Variants in MIF4GD observed in about 807,000 individuals in gnomAD.
The protein encoded by MIF4GD is MIF4G domain-containing protein.
Under a neutral mutation model 26.7 loss-of-function variants are expected in MIF4GD, and 22 were observed. The observed-to-expected ratio is 0.82, with a 90% CI of 0.59 to 1.18. MIF4GD has a LOEUF of 1.18. MIF4GD is among the 50% of genes most tolerant of loss of function. The pLI, the probability that MIF4GD is intolerant of heterozygous loss-of-function variation, is 0.00. For synonymous variants in MIF4GD, 137 were observed against 111.6 expected (o/e 1.23, Z -1.43); for missense variants, 262 against 279.6 (o/e 0.94, Z 0.45).
Position 75,266,638 on chromosome 17 carries a change from CTG to C in MIF4GD, c.*100_*101del. ...GTCTAGAAGGGAAGACACTCAAAGT[CTG>C]GAAGGGAAAAGTCTTTGGGTGAGGC... is the stretch of plus-strand genomic sequence containing the variant. On this transcript the variant is annotated 3_prime_UTR_variant, in exon 6 of 6. Transcript: ENST00000325102. 1 of 1,087,910 alleles carries C rather than the reference CTG, an allele frequency of 9.2e-7. No individual in the cohort carries two copies. The highest frequency in any genetic ancestry group is 1.3e-5 in the South Asian group (1 of 75,622). 67.4% of individuals were successfully genotyped at this position (1,087,910 alleles called of 1,614,324 possible). A position where few individuals can be genotyped will look rare whatever the true frequency, so the allele number is the denominator to read the frequency against.
chr17:75,269,999 C>T, intron 2 of MIF4GD, 115 bp downstream of exon 2: 3 of 839,550 alleles, frequency 3.6e-6, no homozygotes, highest in Non-Finnish European at 5.9e-6. Flanking sequence ...CGACTCCTAT[C>T]GTCAGAGAAT....
intron 5 of MIF4GD, 105 bp from the exon 6 acceptor site, chr17:75,267,072 C>T (rs1277425513): frequency 3.3e-6 from 3 of 901,600 alleles, no homozygotes; most frequent in East Asian, 2.6e-5. Context: ...ACACTCATTC[C>T]CTTGCTCCCT....
At position 75,270,667 on chromosome 17, in the gene MIF4GD, C is replaced by T. The variant is rs557119665; in HGVS notation, c.-50-422G>A. ...CGGTGCGACTCTGTCCCCAGCAGGT[C>T]TCCGAGCCCCTCTCCCCAACCCTCT... On this transcript the variant is annotated intron_variant, in intron 1 of 5. Coordinates refer to ENST00000325102, the MANE Select transcript of MIF4GD (RefSeq NM_001370592.1). The surrounding 1 kb of genome is among the most constrained non-coding windows in gnomAD (Gnocchi z 5.7). 145 of 156,624 alleles carry T rather than the reference C, an allele frequency of 9.3e-4. 6 individuals are homozygous for T. In the South Asian group the frequency reaches 0.022, roughly 23 times the overall value. 9.7% of individuals were successfully genotyped at this position (156,624 alleles called of 1,614,324 possible). A position where few individuals can be genotyped will look rare whatever the true frequency, so the allele number is the denominator to read the frequency against.
chr17:75,267,811 C>T lies in MIF4GD; in HGVS notation c.283G>A (p.Ala95Thr). ...QEYQAREQLR[A>T]RSLQGWVCYV... ...CAGACCCAGCCCTGCAGGGAGCGTGCTCGCAGCTGCTCCCGAGCCTGGTAC... is the reference window on the plus strand; with the variant it reads ...CAGACCCAGCCCTGCAGGGAGCGTGTTCGCAGCTGCTCCCGAGCCTGGTAC... The change falls in exon 4 of 6, where the codon GCA (alanine) becomes ACA (threonine). Residue 95 changes from alanine to threonine, a missense_variant. Ala to Thr is a moderately conservative substitution (Grantham distance 58, BLOSUM62 0). Coordinates refer to ENST00000325102, the MANE Select transcript of MIF4GD (RefSeq NM_001370592.1). 6.2e-7 allele frequency: 1 copy of T among 1,614,060 alleles called. No homozygotes were observed. Among genetic ancestry groups the T allele is most frequent in the Non-Finnish European group, 8.5e-7 (1 of 1,180,010 alleles).
Position 75,266,661 on chromosome 17 carries a change from G to A in MIF4GD, c.*79C>T. 1 of 1,311,576 alleles carries A rather than the reference G, an allele frequency of 7.6e-7. No individual in the cohort carries two copies. The allele number at this position is 1,311,576 out of a possible 1,614,324, so 81.2% of individuals were successfully genotyped here. A position where few individuals can be genotyped will look rare whatever the true frequency, so the allele number is the denominator to read the frequency against. On this transcript the variant is annotated 3_prime_UTR_variant, in exon 6 of 6. Transcript: ENST00000325102. ...GTCTGGAAGGGAAAAGTCTTTGGGT[G>A]AGGCAGAGACTCCACTGCCAGCTTT...
rs772335310 is a variant in MIF4GD, at chr17:75,268,188, C to G, written c.87G>C (p.Pro29=). Reference sequence around the variant, plus strand: ...CCACTTTCTCCAAGTCCACAGCACCCGGATCTAGGGGTAGAGATAGGAGGG... The same window carrying G: ...CCACTTTCTCCAAGTCCACAGCACCGGGATCTAGGGGTAGAGATAGGAGGG... ...QQLLKTALKD[P]GAVDLEKVAN... is the part of the protein sequence containing the mutation. The change falls in exon 3 of 6, where the codon CCG becomes CCC. Residue 29 remains proline, a synonymous_variant. Transcript: ENST00000325102. 1.2e-6 allele frequency: 2 copies of G among 1,613,558 alleles called. No homozygotes were observed. Among genetic ancestry groups the G allele is most frequent in the Non-Finnish European group, 1.7e-6 (2 of 1,179,438 alleles).
chr17:75,269,091 G>A (rs900016294), intron 2 of MIF4GD, among the ~76,000 whole-genome samples: 25 of 152,174 alleles, frequency 1.6e-4, no homozygotes, highest in Non-Finnish European at 4.4e-5. Flanking sequence ...CCCAGTCAGA[G>A]AAAATGGGGA....
Position 75,267,799 on chromosome 17 carries a change from G to A in MIF4GD, c.295C>T (p.Gln99Ter), listed in dbSNP as rs188961042. ...AREQLRARSL[Q>*]GWVCYVTFIC... is the part of the protein sequence containing the mutation. ...AAGGTGACATAGCAGACCCAGCCCT[G>A]CAGGGAGCGTGCTCGCAGCTGCTCC... Residue 99 changes from glutamine (Q) to a stop codon, truncating the protein, a stop_gained, in exon 4 of 6, where the codon CAG (glutamine) becomes TAG (stop). Transcript: ENST00000325102. LOFTEE classifies it high-confidence loss of function. 1 of 1,614,060 alleles carries A rather than the reference G, an allele frequency of 6.2e-7. No individual in the cohort carries two copies. The highest frequency in any genetic ancestry group is 8.5e-7 in the Non-Finnish European group (1 of 1,180,024).
Position 75,270,413 on chromosome 17 carries a change from C to G in MIF4GD, c.-50-168G>C. On this transcript the variant is annotated intron_variant, in intron 1 of 5. Transcript: ENST00000325102. This position sits in a 1 kb window ranked among gnomAD's most constrained non-coding sequence, Gnocchi z 5.7. ...CACCAGGCTTGGCTTCTGGTGGGGA[C>G]TGGGCATCAGCCAGGCACCTGCTGC... 1 of 560,996 alleles carries G rather than the reference C, an allele frequency of 1.8e-6. No homozygotes were observed. Among genetic ancestry groups the G allele is most frequent in the Non-Finnish European group, 3.2e-6 (1 of 311,312 alleles). 34.8% of individuals were successfully genotyped at this position (560,996 alleles called of 1,614,324 possible).
At position 75,267,806 on chromosome 17, in the gene MIF4GD, G is replaced by C; in HGVS notation, c.288C>G (p.Arg96=). ...CATAGCAGACCCAGCCCTGCAGGGA[G>C]CGTGCTCGCAGCTGCTCCCGAGCCT... ...EYQAREQLRA[R]SLQGWVCYVT... is the part of the protein sequence containing the mutation. Residue 96 remains arginine (R), a synonymous_variant, in exon 4 of 6, where the codon CGC becomes CGG. Coordinates refer to ENST00000325102, the MANE Select transcript of MIF4GD (RefSeq NM_001370592.1). 6.2e-7 allele frequency: 1 copy of C among 1,614,076 alleles called. No individual in the cohort carries two copies. The highest frequency in any genetic ancestry group is 8.5e-7 in the Non-Finnish European group (1 of 1,180,012).
chr17:75,266,877 G>A lies in MIF4GD; in HGVS notation c.532C>T (p.Arg178Trp), dbSNP rs985352165. Reference protein sequence around the residue: ...QRMDELFVLIRDGFLLPTGLS... With the variant: ...QRMDELFVLIWDGFLLPTGLS... ...CCAGTTGGGAGCAGGAAGCCATCCC[G>A]GATCAGCACAAAGAGCTCATCCATG... Residue 178 changes from arginine (R) to tryptophan (W), a missense_variant, in exon 6 of 6, where the codon CGG becomes TGG. Arg to Trp is a moderately radical substitution (Grantham distance 101, BLOSUM62 -3). Transcript: ENST00000325102. 9 of 1,614,056 alleles carry A rather than the reference G, an allele frequency of 5.6e-6. No individual in the cohort carries two copies. Among genetic ancestry groups the A allele is most frequent in the African/African-American group, 2.7e-5 (2 of 74,922 alleles).
intron 3 of MIF4GD, 51 bp downstream of exon 3, chr17:75,268,032 T>G (rs369853135): frequency 4.3e-5 from 69 of 1,606,930 alleles, no homozygotes; most frequent in Non-Finnish European, 5.4e-5. Context: ...TTCTGCCCAC[T>G]CCTGAAGCAC....
chr17:75,269,462 A>G (rs2077629476), intron 2 of MIF4GD: 2 of 1,611,182 alleles, frequency 1.2e-6, no homozygotes, highest in South Asian at 1.1e-5. Context: ...TGCATTCAAG[A>G]GACGGGGCTA....
intron 2 of MIF4GD, chr17:75,269,585 G>T: frequency 1.0e-6 from 1 of 980,246 alleles, no homozygotes; most frequent in Non-Finnish European, 1.4e-6. Context: ...TTTTGAGACA[G>T]GGTCTCGCTC....
chr17:75,269,548 CTTTTTTTTTTTTTTTTT>C (rs547476219), intron 2 of MIF4GD: 87 of 558,802 alleles, frequency 1.6e-4, no homozygotes, highest in Middle Eastern at 5.6e-4. Context: ...TATGGTTAAA[CTTTTTTTTTTTTTTTTT>C]TTTTTTTTTT....
intron 2 of MIF4GD, chr17:75,269,215 G>T: frequency 3.2e-6 from 3 of 943,268 alleles, no homozygotes; most frequent in Non-Finnish European, 4.7e-6. Flanking sequence ...GCCTCCAACA[G>T]CAATTTCACA....
Position 75,266,825 on chromosome 17 carries a change from A to G in MIF4GD, c.584T>C (p.Leu195Pro), listed in dbSNP as rs2077502004. Residue 195 changes from leucine (L) to proline (P), a missense_variant, in exon 6 of 6, where the codon CTG becomes CCG. Coordinates refer to ENST00000325102, the MANE Select transcript of MIF4GD (RefSeq NM_001370592.1). ...TGLSSLAQLL[L>P]LEIIEFRAAG... The stretch of plus-strand genomic sequence containing the variant: ...CGCCCGGAACTCAATGATCTCCAGC[A>G]GCAGCAGCTGGGCCAGGGAGCTGAG... The G allele has an allele frequency of 3.7e-6, 6 of 1,614,120 alleles. No individual in the cohort carries two copies. Among genetic ancestry groups the G allele is most frequent in the Non-Finnish European group, 4.2e-6 (5 of 1,180,050 alleles).
Position 75,266,793 on chromosome 17 carries a change from A to G in MIF4GD, c.616T>C (p.Trp206Arg). 1 of 1,614,210 alleles carries G rather than the reference A, an allele frequency of 6.2e-7. No homozygotes were observed. The highest frequency in any genetic ancestry group is 8.5e-7 in the Non-Finnish European group (1 of 1,180,036). ...TTGTGGGCAGCTGGCGTTGTCTTCC[A>G]GCCGGCCGCCCGGAACTCAATGATC... is the stretch of plus-strand genomic sequence containing the variant. ...LEIIEFRAAG[W>R]KTTPAAHKYY... The change falls in exon 6 of 6, where the codon TGG (tryptophan) becomes CGG (arginine). Residue 206 changes from tryptophan to arginine, a missense_variant. By Grantham distance (101) the Trp-to-Arg change is moderately radical. Coordinates refer to ENST00000325102, the MANE Select transcript of MIF4GD (RefSeq NM_001370592.1).
intron 2 of MIF4GD, among the ~76,000 whole-genome samples, chr17:75,268,789 G>A (rs1208820187): frequency 1.3e-5 from 2 of 151,944 alleles, no homozygotes; most frequent in African/African-American, 4.8e-5. Flanking sequence ...CCTGAGGTCA[G>A]GATCAGGAGG....
Sources: gnomAD v4.1 joint callset for allele counts (sites outside exome capture counted in the v4.1 genomes callset) on GRCh38, gnomAD v4.1.1 for gene constraint, Gnocchi (gnomAD v3.1) non-coding constraint, MANE v1.5 for transcripts, NCBI Gene and HGNC (gene_info 2026-07-23, HGNC 2026-07-21) for gene names.